Variants in ALG13 observed in about 807,000 individuals in gnomAD.
ALG13 encodes UDP-N-acetylglucosamine transferase subunit ALG13.
In ALG13, 11 loss-of-function variants were observed where a neutral mutation model predicts 87.8. The observed-to-expected ratio is 0.13, with a 90% CI of 0.08 to 0.21. The LOEUF (loss-of-function observed/expected upper bound fraction) is 0.21, where lower values mean the gene tolerates loss of function less well. Ranked by LOEUF, ALG13 falls within the 10% of genes least tolerant of loss-of-function variation. ALG13 has a pLI of 1.00. For missense variants in ALG13, 756 were observed against 866.1 expected, an observed-to-expected ratio of 0.87 and a Z score of 1.60; for synonymous variants, 320 against 306.3, an observed-to-expected ratio of 1.04 and a Z score of -0.47.
chrX:111,691,847 C>G (rs1203832389), intron 3 of ALG13, among the ~76,000 whole-genome samples: 2 of 112,659 alleles, frequency 1.8e-5, no homozygotes, highest in Non-Finnish European at 3.8e-5. Context: ...TGTGGAGAAA[C>G]TCTTTCAATT....
chrX:111,749,401 A>G (rs1944516743), intron 24 of ALG13, among the ~76,000 whole-genome samples: 1 of 110,118 alleles, frequency 9.1e-6, no homozygotes, highest in Non-Finnish European at 1.9e-5. Flanking sequence ...TGTTGCATTG[A>G]TCAATTTTTT....
At position 111,705,642 on chromosome X, in the gene ALG13, A is replaced by G. The variant is rs183471056; in HGVS notation, c.384-2385A>G. Among the ~76,000 whole-genome samples the G allele has an allele frequency of 6.3e-5, 7 of 111,919 alleles. No homozygotes were observed. The Admixed American group carries it at 6.6e-4, about 11-fold the overall frequency. The stretch of plus-strand genomic sequence containing the variant: ...AATTATAGTACAAGGTGTGAGGTAT[A>G]GGTTGAGGATCCTTTTTTTTGCATG... On this transcript the variant is annotated intron_variant, in intron 3 of 26. Coordinates refer to ENST00000394780, the MANE Select transcript of ALG13 (RefSeq NM_001099922.3).
intron 25 of ALG13, 123 bp downstream of exon 25, chrX:111,752,953 C>G: frequency 2.1e-6 from 1 of 468,330 alleles, no homozygotes; most frequent in East Asian, 4.1e-5. Flanking sequence ...TTAATTCTGT[C>G]TAAGAGATCT....
At chrX:111,751,066 C>CTT (rs58149728) in intron 24 of ALG13, among the ~76,000 whole-genome samples, 36 of 74,454 alleles carry the variant, frequency 4.8e-4, no homozygotes, top group Non-Finnish European at 5.9e-4. Context: ...ATAAGCATAA[C>CTT]TTTTTTTTTT....
Position 111,682,191 on chromosome X carries a change from A to G in ALG13, c.141A>G (p.Val47=), listed in dbSNP as rs1219448295. 8.3e-7 allele frequency: 1 copy of G among 1,200,749 alleles called. No homozygotes were observed. Among genetic ancestry groups the G allele is most frequent in the Non-Finnish European group, 1.1e-6 (1 of 890,467 alleles). The change falls in exon 2 of 27, where the codon GTA becomes GTG. Residue 47 remains valine, a synonymous_variant. Transcript: ENST00000394780. ...LILQIGRGTV[V]PEPFSTESFT... The stretch of plus-strand genomic sequence containing the variant: ...TGCAAATTGGTAGAGGAACGGTGGT[A>G]CCTGAACCCTTCAGTACTGAGTCGT...
intron 24 of ALG13, among the ~76,000 whole-genome samples, chrX:111,752,149 G>C (rs1326855848): frequency 8.9e-6 from 1 of 111,838 alleles, no homozygotes. Context: ...TGTTCTAGAA[G>C]TGTATTAAAG....
At chrX:111,752,962 C>G in intron 25 of ALG13, 132 bp downstream of exon 25, 1 of 452,553 alleles carries the variant, frequency 2.2e-6, no homozygotes, top group Non-Finnish European at 3.7e-6. Context: ...TCTAAGAGAT[C>G]TCTGAAGATG....
chrX:111,728,999 G>GT (rs1556511247), intron 19 of ALG13, among the ~76,000 whole-genome samples: 4 of 111,441 alleles, frequency 3.6e-5, no homozygotes, highest in African/African-American at 1.3e-4. Flanking sequence ...CAATTCAATG[G>GT]TTTTTTATTC....
chrX:111,681,942 G>C (rs1430270303), intron 1 of ALG13, 190 bp from the exon 2 acceptor site: 2 of 879,053 alleles, frequency 2.3e-6, no homozygotes, highest in Non-Finnish European at 2.9e-6. Flanking sequence ...AGATTCATGA[G>C]TGCTTGGGAG....
rs1395509653 is a variant in ALG13, at chrX:111,726,977, C to T, written c.1898C>T (p.Ala633Val). 8.3e-7 allele frequency: 1 copy of T among 1,211,456 alleles called. No homozygotes were observed. The highest frequency in any genetic ancestry group is 2.2e-5 in the Admixed American group (1 of 46,044). ...CCTCCAATGCACTACTCACAGACAG[C>T]TGGCAATGTTATGTCTAATGAACAT... ...HDPPMHYSQT[A>V]GNVMSNEHFH... Residue 633 changes from alanine to valine, a missense_variant, in exon 16 of 27, where the codon GCT (alanine) becomes GTT (valine). Physicochemically the swap from Ala to Val is moderately conservative, Grantham distance 64. This residue lies in a region of ALG13 where 362 missense variants were observed against 383.5 expected (regional missense o/e 0.94). Coordinates refer to ENST00000394780, the MANE Select transcript of ALG13 (RefSeq NM_001099922.3).
At chrX:111,716,039 C>A (rs761670096) in intron 8 of ALG13, among the ~76,000 whole-genome samples, 15 of 111,531 alleles carry the variant, frequency 1.3e-4, no homozygotes, top group Non-Finnish European at 2.6e-4. Flanking sequence ...AATTTTATGC[C>A]CTTCAAAGTA....
intron 11 of ALG13, among the ~76,000 whole-genome samples, chrX:111,720,549 G>C (rs1417518729): frequency 1.8e-5 from 2 of 111,431 alleles, no homozygotes; most frequent in African/African-American, 6.5e-5. Flanking sequence ...ATGGTTTAAA[G>C]TTAGAGAAAC....
chrX:111,689,574 C>G, intron 3 of ALG13: 1 of 753,894 alleles, frequency 1.3e-6, no homozygotes, highest in Non-Finnish European at 1.6e-6. Flanking sequence ...TCTGACTTCC[C>G]TTTTGTGGAA....
At chrX:111,744,522 A>T in intron 23 of ALG13, 146 bp from the exon 24 acceptor site, 1 of 578,092 alleles carries the variant, frequency 1.7e-6, no homozygotes, top group Non-Finnish European at 2.8e-6. Context: ...GAATGTAGAC[A>T]ATTCACTGTC....
intron 23 of ALG13, among the ~76,000 whole-genome samples, chrX:111,742,440 C>CA (rs755617504): frequency 0.02 from 1,230 of 62,302 alleles, 5 homozygotes; most frequent in African/African-American, 0.034. Context: ...AATGGAATGC[C>CA]AAAAAAAAAA....
intron 23 of ALG13, chrX:111,737,105 T>C: frequency 7.2e-6 from 2 of 278,485 alleles, no homozygotes; most frequent in Non-Finnish European, 1.2e-5. Context: ...CCTTTCATTT[T>C]GCTACCTGCT....
intron 25 of ALG13, chrX:111,757,238 A>G (rs1249798571): frequency 6.8e-6 from 1 of 146,507 alleles, no homozygotes; most frequent in African/African-American, 3.1e-5. Flanking sequence ...CCTGTATAGT[A>G]TTTCATTACG....
chrX:111,689,947 C>T, intron 3 of ALG13: 2 of 753,544 alleles, frequency 2.7e-6, no homozygotes, highest in Admixed American at 8.6e-5. Flanking sequence ...TTACCTAGGA[C>T]TTAGAAATCT....
intron 26 of ALG13, among the ~76,000 whole-genome samples, chrX:111,758,927 A>C (rs1048623877): frequency 2.7e-5 from 3 of 111,366 alleles, no homozygotes; most frequent in African/African-American, 9.8e-5. Context: ...TGTTATAAGA[A>C]CTAATTGGGA....
Sources: gnomAD v4.1 joint callset for allele counts (sites outside exome capture counted in the v4.1 genomes callset) on GRCh38, gnomAD v4.1.1 for gene constraint, gnomAD v4.1.1 regional missense constraint, MANE v1.5 for transcripts, NCBI Gene and HGNC (gene_info 2026-07-23, HGNC 2026-07-21) for gene names.